The following AGBL4 variants were observed in gnomAD, a reference collection of about 807,000 sequenced individuals.
The protein encoded by AGBL4 is AGBL carboxypeptidase 4, also known as cytosolic carboxypeptidase 6.
In AGBL4, 58 loss-of-function variants were observed where a neutral mutation model predicts 66.4. The ratio of observed to expected loss-of-function variants is 0.87; its 90% CI spans 0.71 to 1.09. The LOEUF (loss-of-function observed/expected upper bound fraction) is 1.09, where lower values mean the gene tolerates loss of function less well. Among genes scored for constraint, AGBL4 ranks in the 50% least tolerant of loss-of-function variants. The pLI, the probability that AGBL4 is intolerant of heterozygous loss-of-function variation, is 0.00. For synonymous variants in AGBL4, 234 were observed against 222.9 expected (o/e 1.05, Z -0.44); for missense variants, 579 against 631.0 (o/e 0.92, Z 0.88).
intron 3 of AGBL4, among the ~76,000 whole-genome samples, chr1:49,554,051 T>C (rs1156918405): frequency 6.6e-6 from 1 of 152,154 alleles, no homozygotes; most frequent in African/African-American, 2.4e-5. Flanking sequence ...GAGCATTGTT[T>C]GAGGCCAGGA....
At chr1:49,214,530 A>G (rs1356195097) in intron 4 of AGBL4, among the ~76,000 whole-genome samples, 5 of 152,124 alleles carry the variant, frequency 3.3e-5, no homozygotes, top group Non-Finnish European at 5.9e-5. Flanking sequence ...ACATGTTGAG[A>G]TACAGACTTG....
At chr1:49,155,168 C>G (rs1646406701) in intron 4 of AGBL4, among the ~76,000 whole-genome samples, 1 of 152,098 alleles carries the variant, frequency 6.6e-6, no homozygotes, top group South Asian at 2.1e-4. Flanking sequence ...TATGCATGAT[C>G]TTATTTAACC....
intron 3 of AGBL4, among the ~76,000 whole-genome samples, chr1:49,587,316 A>G (rs998442593): frequency 1.3e-5 from 2 of 151,952 alleles, no homozygotes; most frequent in Non-Finnish European, 2.9e-5. Context: ...AAGAGAAGAG[A>G]AGAGAAAAGA....
At chr1:48,991,240 A>T (rs191149072) in intron 5 of AGBL4, among the ~76,000 whole-genome samples, 6 of 152,276 alleles carry the variant, frequency 3.9e-5, no homozygotes, top group Non-Finnish European at 8.8e-5. Flanking sequence ...TGAATGTACT[A>T]CTATAGTGTA....
intron 2 of AGBL4, chr1:49,846,175 G>A: frequency 6.9e-7 from 1 of 1,454,352 alleles, no homozygotes; most frequent in Non-Finnish European, 9.6e-7. Flanking sequence ...ATAAGTGTGG[G>A]AAATCCTTCA....
intron 1 of AGBL4, among the ~76,000 whole-genome samples, chr1:49,996,986 T>A (rs921342248): frequency 1.5e-4 from 23 of 152,108 alleles, no homozygotes; most frequent in African/African-American, 5.3e-4. Flanking sequence ...AAGGAGATAG[T>A]CTTTTTATAA....
chr1:49,830,990 A>T (rs1387582162), intron 2 of AGBL4, among the ~76,000 whole-genome samples: 1 of 152,160 alleles, frequency 6.6e-6, no homozygotes, highest in Non-Finnish European at 1.5e-5. Context: ...TACCAGTGCC[A>T]TGCTGTTTCG....
At chr1:49,233,192 G>A (rs1650458669) in intron 4 of AGBL4, among the ~76,000 whole-genome samples, 1 of 152,006 alleles carries the variant, frequency 6.6e-6, no homozygotes, top group African/African-American at 2.4e-5. Flanking sequence ...TAAATCACAG[G>A]GAAAAACATG....
intron 6 of AGBL4, among the ~76,000 whole-genome samples, chr1:48,751,855 A>G (rs937556061): frequency 6.6e-6 from 1 of 152,168 alleles, no homozygotes; most frequent in African/African-American, 2.4e-5. Context: ...CTAGGGAGAA[A>G]GGGGAAGGAG....
chr1:49,358,653 G>GA (rs546770508), intron 3 of AGBL4, among the ~76,000 whole-genome samples: 25 of 150,830 alleles, frequency 1.7e-4, no homozygotes, highest in African/African-American at 3.6e-4. Context: ...TGAACATTTA[G>GA]AAAAAAAAAT....
At chr1:49,067,761 AT>A (rs1013556969) in intron 4 of AGBL4, among the ~76,000 whole-genome samples, 1 of 151,812 alleles carries the variant, frequency 6.6e-6, no homozygotes, top group Admixed American at 6.6e-5. Flanking sequence ...TTATTTATTT[AT>A]TTTTATTATT....
chr1:48,666,124 A>C (rs1396552827), intron 6 of AGBL4, among the ~76,000 whole-genome samples: 1 of 152,212 alleles, frequency 6.6e-6, no homozygotes, highest in African/African-American at 2.4e-5. Context: ...AGAGCATTAT[A>C]ATCATCTTTA....
chr1:49,585,336 TCTGCCCTAGAGAG>T (rs1644627193), intron 3 of AGBL4, among the ~76,000 whole-genome samples: 1 of 152,066 alleles, frequency 6.6e-6, no homozygotes, highest in South Asian at 2.1e-4. Flanking sequence ...TGCTAGGAAA[TCTGCCCTAGAGAG>T]CTGGTTTGAT....
chr1:48,742,561 C>G (rs144263587), intron 6 of AGBL4: 4 of 1,388,786 alleles, frequency 2.9e-6, no homozygotes, highest in Non-Finnish European at 3.8e-6. Flanking sequence ...CCACCATACT[C>G]TCCACCTTTA....
At chr1:49,920,010 T>C (rs1652033393) in intron 1 of AGBL4, among the ~76,000 whole-genome samples, 2 of 152,150 alleles carry the variant, frequency 1.3e-5, no homozygotes, top group Admixed American at 1.3e-4. Context: ...ATTTAATAAA[T>C]GGTGCTGGGA....
intron 1 of AGBL4, among the ~76,000 whole-genome samples, chr1:49,887,137 A>AT (rs1648128376): frequency 1.8e-5 from 2 of 108,954 alleles, no homozygotes; most frequent in Admixed American, 1.0e-4. Flanking sequence ...ACATTTTGTG[A>AT]TATATATATA....
chr1:49,780,693 A>G (rs1571551681), intron 2 of AGBL4, among the ~76,000 whole-genome samples: 2 of 152,274 alleles, frequency 1.3e-5, no homozygotes, highest in East Asian at 3.9e-4. Context: ...AAACATGGAC[A>G]TTGTAAGTGT....
intron 4 of AGBL4, among the ~76,000 whole-genome samples, chr1:49,160,626 C>G (rs965287930): frequency 3.9e-5 from 6 of 152,122 alleles, no homozygotes; most frequent in Admixed American, 1.3e-4. Context: ...CAGGGACGTT[C>G]AAATCTGCTG....
At chr1:48,833,583 A>G (rs1278576392) in intron 6 of AGBL4, among the ~76,000 whole-genome samples, 1 of 152,206 alleles carries the variant, frequency 6.6e-6, no homozygotes, top group African/African-American at 2.4e-5. Context: ...TATGTTTAGA[A>G]GAGAACACCA....
Sources: gnomAD v4.1 joint callset for allele counts (sites outside exome capture counted in the v4.1 genomes callset) on GRCh38, gnomAD v4.1.1 for gene constraint, MANE v1.5 for transcripts, NCBI Gene and HGNC (gene_info 2026-07-23, HGNC 2026-07-21) for gene names.